Variants in NEDD4 observed in about 807,000 individuals in gnomAD.
NEDD4 encodes NEDD4 E3 ubiquitin protein ligase.
In NEDD4, 99 loss-of-function variants were observed where a neutral mutation model predicts 144.9. The observed-to-expected ratio is 0.68, with a 90% CI of 0.58 to 0.81. The LOEUF is 0.81. Among genes scored for constraint, NEDD4 ranks in the 30% least tolerant of loss-of-function variants. The pLI is 0.00. For missense variants in NEDD4, 985 were observed against 1,065.9 expected, an observed-to-expected ratio of 0.92 and a Z score of 1.06; for synonymous variants, 318 against 350.6, an observed-to-expected ratio of 0.91 and a Z score of 1.04.
In NEDD4 at chr15:55,979,696, T is replaced by A. The variant is rs151076189; in HGVS notation, c.46-13150A>T. Among the ~76,000 whole-genome samples, 73 of 152,238 alleles carry A rather than the reference T, an allele frequency of 4.8e-4. 1 individual carries two copies. The East Asian group carries it at 0.012, about 25-fold the overall frequency. ...ACATTTTGTAAATTTTACATTCTAT[T>A]TTTTCTTTAAAGAAAGTTCTGTCCT... is the stretch of plus-strand genomic sequence containing the variant. On this transcript the variant is annotated intron_variant, in intron 1 of 28. Coordinates refer to ENST00000435532, the MANE Select transcript of NEDD4 (RefSeq NM_006154.4).
Position 55,827,039 on chromosome 15 carries a change from C to T in NEDD4, c.*2858G>A, listed in dbSNP as rs2032728042. 1 of 152,110 alleles carries T rather than the reference C, an allele frequency of 6.6e-6. No homozygotes were observed. Among genetic ancestry groups the T allele is most frequent in the Admixed American group, 6.5e-5 (1 of 15,276 alleles). The allele number at this position is 152,110 out of a possible 1,614,324, so 9.4% of individuals were successfully genotyped here. A position where few individuals can be genotyped will look rare whatever the true frequency, so the allele number is the denominator to read the frequency against. On this transcript the variant is annotated 3_prime_UTR_variant, in exon 29 of 29. Transcript: ENST00000435532. ...ACATCAATCTTGATATATATATTTA[C>T]TGTGTCAGAAGATTTTAAAAAGTCA... is the stretch of plus-strand genomic sequence containing the variant.
chr15:55,857,698 T>A (rs1459930010), intron 11 of NEDD4, among the ~76,000 whole-genome samples: 3 of 152,170 alleles, frequency 2.0e-5, no homozygotes, highest in Admixed American at 6.5e-5. Flanking sequence ...AAATATTTTT[T>A]AAAATAGGTA....
intron 4 of NEDD4, among the ~76,000 whole-genome samples, chr15:55,941,650 C>T (rs376474493): frequency 6.6e-5 from 10 of 151,884 alleles, no homozygotes; most frequent in Admixed American, 3.3e-4. Context: ...CTGCAACCTC[C>T]GCCTCCCAGG....
At chr15:55,987,085 C>T (rs1299505398) in intron 1 of NEDD4, 1 of 130,362 alleles carries the variant, frequency 7.7e-6, no homozygotes, top group African/African-American at 3.0e-5. Flanking sequence ...TACAGTCCCA[C>T]CAACAGTGTA....
intron 2 of NEDD4, among the ~76,000 whole-genome samples, chr15:55,954,620 G>A (rs1319016034): frequency 6.6e-6 from 1 of 152,038 alleles, no homozygotes; most frequent in African/African-American, 2.4e-5. Flanking sequence ...CGCCTCCCAG[G>A]TTCAAGTGAT....
intron 1 of NEDD4, among the ~76,000 whole-genome samples, chr15:55,974,458 C>T (rs564919580): frequency 6.6e-6 from 1 of 151,918 alleles, no homozygotes; most frequent in Non-Finnish European, 1.5e-5. Context: ...GACAAAGATC[C>T]ATTGAAAAAA....
Position 55,841,955 on chromosome 15 carries a change from C to T in NEDD4, c.1817G>A (p.Gly606Glu), listed in dbSNP as rs777559208. Reference sequence around the variant, plus strand: ...TTACGTAGCAGAATATTCAAACAACCCATAATAAGGGTTAAACATTTCCTT... The same window carrying T: ...TTACGTAGCAGAATATTCAAACAACTCATAATAAGGGTTAAACATTTCCTT... Reference protein sequence around the residue: ...ISKEMFNPYYGLFEYSATDNY... With the variant: ...ISKEMFNPYYELFEYSATDNY... Residue 606 changes from glycine (G) to glutamate (E), a missense_variant, in exon 19 of 29, where the codon GGG (glycine) becomes GAG (glutamate). Physicochemically the swap from Gly to Glu is moderately conservative, Grantham distance 98 (BLOSUM62 -2). Coordinates refer to ENST00000435532, the MANE Select transcript of NEDD4 (RefSeq NM_006154.4). 4.3e-6 allele frequency: 7 copies of T among 1,613,536 alleles called. No individual in the cohort carries two copies. The highest frequency in any genetic ancestry group is 5.9e-6 in the Non-Finnish European group (7 of 1,179,476).
chr15:55,832,174 CT>C (rs139131290), intron 27 of NEDD4, among the ~76,000 whole-genome samples: 13,427 of 132,162 alleles, frequency 0.1, 666 homozygotes, highest in Middle Eastern at 0.17. Context: ...TTCTCCACCC[CT>C]ATCTTGAAAA....
At position 55,828,521 on chromosome 15, in the gene NEDD4, T is replaced by G. The variant is rs1256654540; in HGVS notation, c.*1376A>C. The G allele has an allele frequency of 6.6e-6, 1 of 152,226 alleles. No homozygotes were observed. The highest frequency in any genetic ancestry group is 1.5e-5 in the Non-Finnish European group (1 of 68,040). 9.4% of individuals were successfully genotyped at this position (152,226 alleles called of 1,614,324 possible). A position where few individuals can be genotyped will look rare whatever the true frequency, so the allele number is the denominator to read the frequency against. ...ACTTTCCCTTTTGCCTTATTCTGCT[T>G]ACGCCTACTTTTGATTGTTTTACAA... On this transcript the variant is annotated 3_prime_UTR_variant, in exon 29 of 29. Coordinates refer to ENST00000435532, the MANE Select transcript of NEDD4 (RefSeq NM_006154.4).
intron 4 of NEDD4, among the ~76,000 whole-genome samples, chr15:55,929,721 G>A (rs925074902): frequency 1.3e-5 from 2 of 152,118 alleles, no homozygotes; most frequent in African/African-American, 2.4e-5. Context: ...TTTTATCACT[G>A]TTAAGTATGA....
intron 1 of NEDD4, chr15:55,988,028 T>G (rs1189199340): frequency 6.6e-6 from 1 of 151,716 alleles, no homozygotes; most frequent in Non-Finnish European, 1.5e-5. Context: ...TGCACACGTA[T>G]GTTTATTGCG....
intron 5 of NEDD4, among the ~76,000 whole-genome samples, chr15:55,904,430 G>A (rs560130443): frequency 2.6e-5 from 4 of 152,112 alleles, no homozygotes; most frequent in African/African-American, 9.6e-5. Context: ...AGCCTCCTGA[G>A]TAGCTGGGAT....
At chr15:55,968,615 T>C (rs1305286756) in intron 1 of NEDD4, among the ~76,000 whole-genome samples, 1 of 152,168 alleles carries the variant, frequency 6.6e-6, no homozygotes, top group African/African-American at 2.4e-5. Flanking sequence ...CCATATAGAA[T>C]GGCTAAGAAA....
chr15:55,904,755 C>A (rs1161666767), intron 5 of NEDD4, among the ~76,000 whole-genome samples: 1 of 152,058 alleles, frequency 6.6e-6, no homozygotes, highest in African/African-American at 2.4e-5. Context: ...TTCAGTCTTT[C>A]TAGGAGTGTA....
chr15:55,905,132 C>A (rs2036048183), intron 5 of NEDD4: 1 of 308,288 alleles, frequency 3.2e-6, no homozygotes, highest in Non-Finnish European at 6.3e-6. Context: ...TCAGGCATTT[C>A]ATTTACTGCA....
chr15:55,897,581 G>A (rs1225691283), intron 5 of NEDD4, among the ~76,000 whole-genome samples: 2 of 152,128 alleles, frequency 1.3e-5, no homozygotes, highest in African/African-American at 2.4e-5. Flanking sequence ...AGTGAGGGTC[G>A]AATGACCTGC....
At chr15:55,886,274 C>A (rs2035384050) in intron 5 of NEDD4, among the ~76,000 whole-genome samples, 1 of 152,182 alleles carries the variant, frequency 6.6e-6, no homozygotes, top group African/African-American at 2.4e-5. Flanking sequence ...ATCACACTTT[C>A]AGCATTGGAC....
chr15:55,832,496 C>T (rs144554083), intron 27 of NEDD4, among the ~76,000 whole-genome samples: 2 of 152,254 alleles, frequency 1.3e-5, no homozygotes, highest in Non-Finnish European at 2.9e-5. Flanking sequence ...CTCACTGCAA[C>T]GTCCGCCTCC....
chr15:55,865,615 A>T (rs2034560044), intron 8 of NEDD4, among the ~76,000 whole-genome samples: 1 of 152,026 alleles, frequency 6.6e-6, no homozygotes, highest in Non-Finnish European at 1.5e-5. Context: ...ACTGACACAG[A>T]ATAATTTCCT....
Sources: gnomAD v4.1 joint callset for allele counts (sites outside exome capture counted in the v4.1 genomes callset) on GRCh38, gnomAD v4.1.1 for gene constraint, MANE v1.5 for transcripts, NCBI Gene and HGNC (gene_info 2026-07-23, HGNC 2026-07-21) for gene names.